The following APBA1 variants were observed in gnomAD, a reference collection of about 807,000 sequenced individuals.
The protein encoded by APBA1 is amyloid beta precursor protein binding family A member 1.
In APBA1, 55 loss-of-function variants were observed where a neutral mutation model predicts 86.6. The ratio of observed to expected loss-of-function variants is 0.64; its 90% CI spans 0.51 to 0.80. APBA1 has a LOEUF of 0.80. Ranked by LOEUF, APBA1 falls within the 30% of genes least tolerant of loss-of-function variation. The pLI is 0.00. For synonymous variants in APBA1, 511 were observed against 493.9 expected (o/e 1.03, Z -0.46); for missense variants, 1,090 against 1,183.0 (o/e 0.92, Z 1.15).
chr9:69,513,798 C>T (rs532283161), intron 2 of APBA1, among the ~76,000 whole-genome samples: 1 of 152,328 alleles, frequency 6.6e-6, no homozygotes, highest in Non-Finnish European at 1.5e-5. Flanking sequence ...CCACTCTGAC[C>T]TGCGTAGCTC....
intron 1 of APBA1, among the ~76,000 whole-genome samples, chr9:69,540,159 A>AAC (rs1182538464): frequency 5.8e-5 from 5 of 86,546 alleles, no homozygotes; most frequent in Admixed American, 4.8e-4. Flanking sequence ...ACAACAACAA[A>AAC]AGTCACCTTA....
At chr9:69,553,113 C>A (rs1452219687) in intron 1 of APBA1, among the ~76,000 whole-genome samples, 1 of 152,108 alleles carries the variant, frequency 6.6e-6, no homozygotes, top group African/African-American at 2.4e-5. Context: ...TCCATGTTGC[C>A]CACGTTAGTG....
At chr9:69,458,010 C>A in intron 6 of APBA1, 146 bp downstream of exon 6, 2 of 765,698 alleles carry the variant, frequency 2.6e-6, no homozygotes, top group Non-Finnish European at 4.0e-6. Context: ...TTGAGAAACG[C>A]TGGCTTATGG....
intron 1 of APBA1, among the ~76,000 whole-genome samples, chr9:69,660,065 T>C (rs1285524461): frequency 6.6e-6 from 1 of 152,196 alleles, no homozygotes; most frequent in African/African-American, 2.4e-5. Flanking sequence ...ATATTGATCA[T>C]AGACTATGTG....
intron 1 of APBA1, among the ~76,000 whole-genome samples, chr9:69,546,936 C>T (rs1195819733): frequency 6.6e-6 from 1 of 152,168 alleles, no homozygotes; most frequent in Non-Finnish European, 1.5e-5. Flanking sequence ...GAAAAAGCTA[C>T]GGCAGTTTAA....
intron 1 of APBA1, among the ~76,000 whole-genome samples, chr9:69,616,115 G>T (rs1414807559): frequency 2.0e-5 from 3 of 151,514 alleles, no homozygotes; most frequent in Non-Finnish European, 4.4e-5. Context: ...CCTGATCTAG[G>T]AGATCTTTTA....
chr9:69,653,525 C>T (rs1823550053), intron 1 of APBA1, among the ~76,000 whole-genome samples: 1 of 152,184 alleles, frequency 6.6e-6, no homozygotes, highest in South Asian at 2.1e-4. Context: ...CTCAACACCA[C>T]ATGAAGTATT....
intron 1 of APBA1, among the ~76,000 whole-genome samples, chr9:69,670,415 G>A (rs1404717160): frequency 6.6e-6 from 1 of 152,144 alleles, no homozygotes; most frequent in African/African-American, 2.4e-5. Context: ...GAAGAGAACC[G>A]GGCAGCCAGT....
intron 1 of APBA1, among the ~76,000 whole-genome samples, chr9:69,532,703 G>C (rs1354289946): frequency 1.3e-5 from 2 of 152,168 alleles, no homozygotes; most frequent in Non-Finnish European, 1.5e-5. Flanking sequence ...GCCTGCTTCA[G>C]TGTACAATAC....
At chr9:69,434,558 TTA>T (rs1834664880) in intron 11 of APBA1, among the ~76,000 whole-genome samples, 1 of 151,902 alleles carries the variant, frequency 6.6e-6, no homozygotes, top group Admixed American at 6.6e-5. Context: ...AATACAAAAA[TTA>T]GCCGGGCGTG....
chr9:69,557,475 C>T (rs1836880388), intron 1 of APBA1, among the ~76,000 whole-genome samples: 1 of 152,196 alleles, frequency 6.6e-6, no homozygotes, highest in African/African-American at 2.4e-5. Flanking sequence ...TAGCCTTAGG[C>T]AATAGCTTCT....
chr9:69,566,700 A>G (rs1473780497), intron 1 of APBA1, among the ~76,000 whole-genome samples: 1 of 151,988 alleles, frequency 6.6e-6, no homozygotes, highest in African/African-American at 2.4e-5. Context: ...CTCTCCTCAG[A>G]GCCTTTGCAC....
chr9:69,476,966 C>T (rs1389745926), intron 2 of APBA1, among the ~76,000 whole-genome samples: 5 of 152,160 alleles, frequency 3.3e-5, no homozygotes, highest in East Asian at 1.9e-4. Context: ...ATAAAACAAG[C>T]AAGCACAGGG....
rs1256974177 is a variant in APBA1 at position 69,657,285 on chromosome 9, C to T, written c.-70+14868G>A. Among the ~76,000 whole-genome samples the T allele has an allele frequency of 2.0e-5, 3 of 152,338 alleles. No individual in the cohort carries two copies. In the East Asian group the frequency reaches 5.8e-4, roughly 29 times the overall value. Reference sequence around the variant, plus strand: ...TGCATCCCATTGAGTCCAGCCCATTCAATAAATGTGTTATATATAGAAGGC... The same window carrying T: ...TGCATCCCATTGAGTCCAGCCCATTTAATAAATGTGTTATATATAGAAGGC... On this transcript the variant is annotated intron_variant, in intron 1 of 12. Coordinates refer to ENST00000265381, the MANE Select transcript of APBA1 (RefSeq NM_001163.4).
chr9:69,505,820 C>T (rs893929322), intron 2 of APBA1, among the ~76,000 whole-genome samples: 16 of 151,574 alleles, frequency 1.1e-4, no homozygotes, highest in African/African-American at 3.9e-4. Context: ...GAGTTCAAGA[C>T]CAGCCTGGCC....
chr9:69,460,208 G>A (rs542837616), intron 5 of APBA1, among the ~76,000 whole-genome samples: 1 of 152,306 alleles, frequency 6.6e-6, no homozygotes, highest in African/African-American at 2.4e-5. Flanking sequence ...GGAAACCAGG[G>A]CAACCACACT....
At chr9:69,625,580 A>G (rs1822912709) in intron 1 of APBA1, among the ~76,000 whole-genome samples, 1 of 152,084 alleles carries the variant, frequency 6.6e-6, no homozygotes, top group African/African-American at 2.4e-5. Context: ...ATCTTGAAGA[A>G]ATCTTAGGGT....
At chr9:69,580,032 C>T (rs140322402) in intron 1 of APBA1, among the ~76,000 whole-genome samples, 30 of 152,306 alleles carry the variant, frequency 2.0e-4, no homozygotes, top group African/African-American at 7.0e-4. Flanking sequence ...ATACAGTTCT[C>T]AAAATGCAAG....
intron 1 of APBA1, among the ~76,000 whole-genome samples, chr9:69,531,913 C>G (rs903827594): frequency 1.3e-5 from 2 of 152,182 alleles, no homozygotes; most frequent in Non-Finnish European, 2.9e-5. Context: ...TGACCTTGGG[C>G]AAGTCACTTA....
Sources: allele counts gnomAD v4.1 joint callset (sites outside exome capture counted in the v4.1 genomes callset), GRCh38; gene constraint gnomAD v4.1.1; transcripts MANE v1.5; gene names NCBI Gene and HGNC (gene_info 2026-07-23, HGNC 2026-07-21).